Variants in NBAS observed in about 807,000 individuals in gnomAD.
NBAS encodes NAG/BC035112 fusion.
NBAS carries 219 observed loss-of-function variants against 302.5 expected under a neutral mutation model. The observed-to-expected ratio is 0.72, with a 90% CI of 0.65 to 0.81. The LOEUF (loss-of-function observed/expected upper bound fraction) is 0.81. NBAS is among the 30% of genes least tolerant of loss of function. The probability of loss-of-function intolerance (pLI) is 0.00; values close to 1 mark genes in which losing one functional copy is unlikely to be tolerated. For synonymous variants in NBAS, 1,118 were observed against 1,021.6 expected, an observed-to-expected ratio of 1.09 and a Z score of -1.80; for missense variants, 2,932 against 2,841.6, an observed-to-expected ratio of 1.03 and a Z score of -0.72.
chr2:14,992,586 G>A, the NBAS span, among the ~76,000 whole-genome samples: 1 of 152,174 alleles, frequency 6.6e-6, no homozygotes, highest in African/African-American at 2.4e-5. Flanking sequence ...ATGGTTCAGG[G>A]CTGCCCCTAG....
chr2:15,058,275 AGAG>A, the NBAS span, among the ~76,000 whole-genome samples: 1 of 152,128 alleles, frequency 6.6e-6, no homozygotes, highest in Non-Finnish European at 1.5e-5. Context: ...ACAGCTGGGG[AGAG>A]GAGTGTTACT....
chr2:14,908,470 G>A, the NBAS span, among the ~76,000 whole-genome samples: 12 of 152,210 alleles, frequency 7.9e-5, no homozygotes, highest in Non-Finnish European at 1.6e-4. Flanking sequence ...CAAAATCCAT[G>A]TGCTCATATA....
At chr2:14,852,215 T>C in the NBAS span, among the ~76,000 whole-genome samples, 1 of 42,668 alleles carries the variant, frequency 2.3e-5, no homozygotes, top group South Asian at 8.1e-4. Context: ...CTTAAGCTGA[T>C]AAGCAACTTC....
chr2:14,916,081 C>T, the NBAS span, among the ~76,000 whole-genome samples: 1 of 152,130 alleles, frequency 6.6e-6, no homozygotes, highest in Non-Finnish European at 1.5e-5. Context: ...CATTAACCTC[C>T]CTGAGATTTT....
intron 9 of NBAS, among the ~76,000 whole-genome samples, chr2:15,528,885 A>ACATATATATGTGTG: frequency 8.1e-6 from 1 of 123,208 alleles, no homozygotes; most frequent in East Asian, 2.1e-4. Context: ...AAAAATATAT[A>ACATATATATGTGTG]TATATATATA....
chr2:15,509,487 G>A (rs756034682), intron 10 of NBAS, among the ~76,000 whole-genome samples: 3 of 152,168 alleles, frequency 2.0e-5, no homozygotes, highest in Non-Finnish European at 2.9e-5. Flanking sequence ...AAACCAGTAA[G>A]TTGACTTCAT....
chr2:14,804,108 A>G, the NBAS span, among the ~76,000 whole-genome samples: 1 of 152,208 alleles, frequency 6.6e-6, no homozygotes, highest in Non-Finnish European at 1.5e-5. Flanking sequence ...TAACCCTGAA[A>G]TCAATACTTG....
chr2:14,920,656 T>C, the NBAS span, among the ~76,000 whole-genome samples: 7 of 152,220 alleles, frequency 4.6e-5, 1 homozygote, highest in South Asian at 6.2e-4. Flanking sequence ...TCTACATCAA[T>C]ACTTGCTGCT....
intron 51 of NBAS, among the ~76,000 whole-genome samples, chr2:15,178,384 C>T (rs1387670116): frequency 1.3e-5 from 2 of 152,026 alleles, no homozygotes; most frequent in African/African-American, 4.8e-5. Flanking sequence ...GCTATCTAAT[C>T]CTAAAGTGGA....
At chr2:15,474,412 T>C in intron 14 of NBAS, 88 bp from the exon 15 acceptor site, 2 of 1,324,054 alleles carry the variant, frequency 1.5e-6, no homozygotes, top group East Asian at 2.5e-5. Flanking sequence ...TTTCTAAATC[T>C]ACTCTGGTTT....
chr2:14,791,794 A>T, the NBAS span, among the ~76,000 whole-genome samples: 1 of 144,860 alleles, frequency 6.9e-6, no homozygotes, highest in Non-Finnish European at 1.5e-5. Flanking sequence ...ATAGAGGGAG[A>T]CTCCATCTCA....
chr2:15,340,056 TC>T (rs1360131826), intron 35 of NBAS, among the ~76,000 whole-genome samples: 2 of 152,184 alleles, frequency 1.3e-5, no homozygotes, highest in Non-Finnish European at 2.9e-5. Flanking sequence ...ACCATGGGTG[TC>T]CTTGTAGATG....
rs780374233 is a variant in NBAS at position 15,515,884 on chromosome 2, T to A, written c.747-4534A>T. Among the ~76,000 whole-genome samples, 117 of 152,268 alleles carry A rather than the reference T, an allele frequency of 7.7e-4. No homozygotes were observed. The Middle Eastern group carries it at 0.017, about 22-fold the overall frequency. On this transcript the variant is annotated intron_variant, in intron 9 of 51. Transcript: ENST00000281513. ...TGAATTGAAAGTCCACATTTCTCAT[T>A]AGGAAGCACAGAGTGAAGAAGGTAC...
At chr2:15,384,730 T>G (rs1675205227) in intron 28 of NBAS, among the ~76,000 whole-genome samples, 1 of 152,226 alleles carries the variant, frequency 6.6e-6, no homozygotes, top group Non-Finnish European at 1.5e-5. Flanking sequence ...TCACCATTTA[T>G]GTTTACTTTC....
At chr2:15,173,128 C>T (rs1664373465) in intron 51 of NBAS, among the ~76,000 whole-genome samples, 1 of 152,190 alleles carries the variant, frequency 6.6e-6, no homozygotes, top group South Asian at 2.1e-4. Flanking sequence ...TGCTTGCTAT[C>T]TCTGTCAGAG....
At chr2:15,457,601 C>T (rs980827162) in intron 21 of NBAS, among the ~76,000 whole-genome samples, 1 of 152,216 alleles carries the variant, frequency 6.6e-6, no homozygotes, top group African/African-American at 2.4e-5. Flanking sequence ...TCCCTGATCA[C>T]TCGTGCTGAA....
At chr2:15,047,315 C>G in the NBAS span, among the ~76,000 whole-genome samples, 1 of 152,256 alleles carries the variant, frequency 6.6e-6, no homozygotes, top group Non-Finnish European at 1.5e-5. Flanking sequence ...GACGGAGAGG[C>G]CCATTGGCTG....
intron 21 of NBAS, among the ~76,000 whole-genome samples, chr2:15,443,079 G>A (rs1678521967): frequency 6.6e-6 from 1 of 151,960 alleles, no homozygotes; most frequent in African/African-American, 2.4e-5. Flanking sequence ...GAGGTACAAG[G>A]AGGAACTGGT....
intron 31 of NBAS, among the ~76,000 whole-genome samples, chr2:15,371,381 T>C (rs1355665163): frequency 6.6e-6 from 1 of 151,914 alleles, no homozygotes; most frequent in African/African-American, 2.4e-5. Flanking sequence ...TGAGAATTAG[T>C]GAATACATAT....
Sources: gnomAD v4.1 joint callset for allele counts (sites outside exome capture counted in the v4.1 genomes callset) on GRCh38, gnomAD v4.1.1 for gene constraint, MANE v1.5 for transcripts, NCBI Gene and HGNC (gene_info 2026-07-23, HGNC 2026-07-21) for gene names.